ATP2C1: variants seen among roughly 807,000 people sequenced by gnomAD.
The protein encoded by ATP2C1 is calcium-transporting ATPase type 2C member 1.
In ATP2C1, 31 loss-of-function variants were observed where a neutral mutation model predicts 120.5. The observed-to-expected ratio is 0.26, with a 90% CI of 0.19 to 0.35. The LOEUF is 0.35. ATP2C1 is among the 10% of genes least tolerant of loss of function. The pLI is 1.00. For missense variants in ATP2C1, 731 were observed against 1,107.5 expected, an observed-to-expected ratio of 0.66 and a Z score of 4.83; for synonymous variants, 351 against 358.7, an observed-to-expected ratio of 0.98 and a Z score of 0.24.
chr3:130,946,048 C>G (rs1428771182), intron 8 of ATP2C1, among the ~76,000 whole-genome samples: 3 of 152,058 alleles, frequency 2.0e-5, no homozygotes, highest in Non-Finnish European at 4.4e-5. Context: ...CTTTGTGGTT[C>G]ATGTGCTTAT....
chr3:130,893,678 G>C (rs1371524250), upstream of ATP2C1, among the ~76,000 whole-genome samples: 1 of 152,232 alleles, frequency 6.6e-6, no homozygotes, highest in Non-Finnish European at 1.5e-5. Flanking sequence ...CGGGGACAGC[G>C]GCCATGACTC....
At chr3:130,877,146 C>G (rs993590566) in intron 1 of ATP2C1, among the ~76,000 whole-genome samples, 17 of 152,072 alleles carry the variant, frequency 1.1e-4, no homozygotes, top group Non-Finnish European at 2.4e-4. Context: ...ATAGCTACTC[C>G]TATATACTTT....
At chr3:130,908,447 A>G (rs771248411) in intron 2 of ATP2C1, among the ~76,000 whole-genome samples, 1 of 150,908 alleles carries the variant, frequency 6.6e-6, no homozygotes, top group African/African-American at 2.4e-5. Context: ...AAAATTTGTT[A>G]TTGTGTGGTT....
In ATP2C1 at chr3:130,902,284, G is replaced by GT. The variant is rs1157956407; in HGVS notation, c.6+7521dup. On this transcript the variant is annotated intron_variant, in intron 2 of 27. Coordinates refer to ENST00000510168, the MANE Select transcript of ATP2C1 (RefSeq NM_001378687.1). ...TTAACTGCTAATTTCAAGGCTTCACGTTTTTTTTTTTTGTTTTTTTTTTTT... is the reference window on the plus strand; with the variant it reads ...TTAACTGCTAATTTCAAGGCTTCACGTTTTTTTTTTTTTGTTTTTTTTTTTT... Among the ~76,000 whole-genome samples the GT allele has an allele frequency of 2.5e-3, 161 of 65,508 alleles. 8 individuals carry two copies. Among genetic ancestry groups the GT allele is most frequent in the African/African-American group, 5.2e-3 (93 of 17,732 alleles). 43.0% of individuals were successfully genotyped at this position (65,508 alleles called of 152,430 possible).
At chr3:130,893,519 G>A (rs1384570626), upstream of ATP2C1, among the ~76,000 whole-genome samples, 3 of 152,222 alleles carry the variant, frequency 2.0e-5, no homozygotes, top group Admixed American at 6.5e-5. Flanking sequence ...AGACTCGGGA[G>A]GCTGCTCACG....
intron 12 of ATP2C1, among the ~76,000 whole-genome samples, chr3:130,961,076 T>G (rs1055084815): frequency 6.8e-6 from 1 of 147,550 alleles, no homozygotes; most frequent in Non-Finnish European, 1.5e-5. Context: ...AAAGAATGTG[T>G]TTTTTTTTTT....
At chr3:130,898,091 G>C (rs961878851) in intron 2 of ATP2C1, among the ~76,000 whole-genome samples, 2 of 152,058 alleles carry the variant, frequency 1.3e-5, no homozygotes, top group African/African-American at 4.8e-5. Flanking sequence ...TTATTTTTTG[G>C]AATAAATTTG....
upstream of ATP2C1, among the ~76,000 whole-genome samples, chr3:130,893,251 AAAAG>A (rs1268703131): frequency 1.3e-5 from 2 of 152,212 alleles, no homozygotes; most frequent in African/African-American, 2.4e-5. Flanking sequence ...TACAGCTGCT[AAAAG>A]AAGTGCTCGT....
intron 14 of ATP2C1, among the ~76,000 whole-genome samples, chr3:130,965,442 T>C (rs1453757172): frequency 7.9e-5 from 12 of 152,118 alleles, no homozygotes; most frequent in African/African-American, 2.9e-4. Flanking sequence ...ATAAGCAGTT[T>C]GAGGGATCTT....
At chr3:130,946,557 G>T (rs1270268097) in intron 8 of ATP2C1, among the ~76,000 whole-genome samples, 2 of 152,140 alleles carry the variant, frequency 1.3e-5, no homozygotes, top group Non-Finnish European at 2.9e-5. Context: ...TCACATTCTT[G>T]CCCAGTCTGT....
chr3:130,987,267 G>A (rs2062065055), intron 20 of ATP2C1, among the ~76,000 whole-genome samples: 2 of 151,990 alleles, frequency 1.3e-5, no homozygotes, highest in Non-Finnish European at 2.9e-5. Flanking sequence ...CAAAGTGCTG[G>A]GGTTATAGGC....
At chr3:130,869,373 T>C (rs1576551999) in intron 1 of ATP2C1, 1 of 143,364 alleles carries the variant, frequency 7.0e-6, no homozygotes, top group African/African-American at 2.9e-5. Flanking sequence ...ACTATTGTCC[T>C]ATGACCCTGC....
At chr3:130,875,840 G>A (rs1442066048) in intron 1 of ATP2C1, among the ~76,000 whole-genome samples, 3 of 148,136 alleles carry the variant, frequency 2.0e-5, no homozygotes, top group Admixed American at 6.7e-5. Flanking sequence ...ATATCTCATC[G>A]TGGTTTTGAT....
At chr3:130,960,002 T>C (rs1196539193) in intron 12 of ATP2C1, among the ~76,000 whole-genome samples, 1 of 152,126 alleles carries the variant, frequency 6.6e-6, no homozygotes, top group Non-Finnish European at 1.5e-5. Context: ...CACAAGTATT[T>C]TCTCAAGCTA....
At chr3:130,982,639 C>T (rs994204984) in intron 20 of ATP2C1, among the ~76,000 whole-genome samples, 1 of 152,174 alleles carries the variant, frequency 6.6e-6, no homozygotes, top group Non-Finnish European at 1.5e-5. Context: ...TGTAGCCATC[C>T]ATTGTTACTA....
At chr3:130,922,145 T>C (rs940327405) in intron 2 of ATP2C1, among the ~76,000 whole-genome samples, 3 of 152,204 alleles carry the variant, frequency 2.0e-5, no homozygotes, top group African/African-American at 7.2e-5. Flanking sequence ...CCACTTGTTA[T>C]TGGTCTGTTC....
intron 2 of ATP2C1, chr3:130,919,025 G>A (rs1477100219): frequency 6.4e-6 from 3 of 466,536 alleles, no homozygotes; most frequent in Admixed American, 2.5e-5. Flanking sequence ...AAGCAGTAGC[G>A]GTGGAAGCTC....
intron 27 of ATP2C1, among the ~76,000 whole-genome samples, chr3:131,000,608 C>T (rs927650704): frequency 2.6e-5 from 4 of 152,154 alleles, no homozygotes; most frequent in Non-Finnish European, 5.9e-5. Context: ...GAAATAAACT[C>T]CTTTTGTTGG....
At chr3:130,872,186 T>C (rs542001386) in intron 1 of ATP2C1, among the ~76,000 whole-genome samples, 5 of 152,328 alleles carry the variant, frequency 3.3e-5, no homozygotes, top group African/African-American at 9.6e-5. Flanking sequence ...AAAGATATAA[T>C]CCTTGTTAGG....
Sources: gnomAD v4.1 joint callset for allele counts (sites outside exome capture counted in the v4.1 genomes callset) on GRCh38, gnomAD v4.1.1 for gene constraint, MANE v1.5 for transcripts, NCBI Gene and HGNC (gene_info 2026-07-23, HGNC 2026-07-21) for gene names.